PDCL2: variants seen among roughly 807,000 people sequenced by gnomAD.
PDCL2 encodes the protein phosducin-like protein 2.
In PDCL2, 23 loss-of-function variants were observed where a neutral mutation model predicts 30.3. The ratio of observed to expected loss-of-function variants is 0.76; its 90% CI spans 0.55 to 1.08. The LOEUF is 1.08. PDCL2 is among the 50% of genes least tolerant of loss of function. The probability of loss-of-function intolerance (pLI) is 0.00; values close to 1 mark genes in which losing one functional copy is unlikely to be tolerated. For synonymous variants in PDCL2, 68 were observed against 86.2 expected (o/e 0.79, Z 1.17); for missense variants, 243 against 282.3 (o/e 0.86, Z 1.00).
chr4:55,572,550 T>C (rs902924920), intron 3 of PDCL2, among the ~76,000 whole-genome samples: 4 of 152,202 alleles, frequency 2.6e-5, no homozygotes, highest in Non-Finnish European at 4.4e-5. Flanking sequence ...AATGGCTCCA[T>C]TGGATACTAT....
intron 4 of PDCL2, among the ~76,000 whole-genome samples, chr4:55,569,393 G>A (rs990271176): frequency 6.6e-5 from 10 of 152,040 alleles, no homozygotes; most frequent in African/African-American, 2.2e-4. Context: ...CTGTATGGTC[G>A]ATATTTAGAG....
chr4:55,563,735 T>C (rs1182144899), intron 4 of PDCL2, among the ~76,000 whole-genome samples: 4 of 152,196 alleles, frequency 2.6e-5, no homozygotes, highest in Non-Finnish European at 5.9e-5. Flanking sequence ...ATGGAGGCTC[T>C]GGCATGGCCA....
chr4:55,577,177 G>A (rs1732590716), intron 3 of PDCL2, among the ~76,000 whole-genome samples: 1 of 152,208 alleles, frequency 6.6e-6, no homozygotes, highest in Non-Finnish European at 1.5e-5. Context: ...TTACAGGCAT[G>A]GGCCACTGTG....
At chr4:55,572,020 G>A (rs112285059) in intron 3 of PDCL2, among the ~76,000 whole-genome samples, 5,157 of 152,154 alleles carry the variant, frequency 0.034, 105 homozygotes, top group Non-Finnish European at 0.054. Flanking sequence ...ATGACACCAT[G>A]CTCTAATGGT....
chr4:55,577,994 G>T (rs1411707197), intron 3 of PDCL2, among the ~76,000 whole-genome samples: 1 of 152,028 alleles, frequency 6.6e-6, no homozygotes, highest in Non-Finnish European at 1.5e-5. Context: ...TTTTGTTTTT[G>T]TTTTAATTGT....
At chr4:55,579,311 T>A (rs1044592780) in intron 3 of PDCL2, among the ~76,000 whole-genome samples, 2 of 152,018 alleles carry the variant, frequency 1.3e-5, no homozygotes, top group Non-Finnish European at 1.5e-5. Flanking sequence ...TAGAGAATAG[T>A]ATTTATTTGT....
chr4:55,592,105 T>G lies in PDCL2; in HGVS notation c.5A>C (p.Gln2Pro), dbSNP rs1285765402. M[Q>P]DPNEDTEWND... Reference sequence around the variant, plus strand: ...GGCTCGGCAGGTCCCGACCCTCACCTGCATGATGCGCTGCTCTGCCCCTCA... The same window carrying G: ...GGCTCGGCAGGTCCCGACCCTCACCGGCATGATGCGCTGCTCTGCCCCTCA... The change falls in exon 1 of 6, where the codon CAG (glutamine) becomes CCG (proline). Residue 2 changes from glutamine to proline, a missense_variant and splice_region_variant. Coordinates refer to ENST00000295645, the MANE Select transcript of PDCL2 (RefSeq NM_152401.3). 8 of 1,609,056 alleles carry G rather than the reference T, an allele frequency of 5.0e-6. No homozygotes were observed. The highest frequency in any genetic ancestry group is 6.8e-6 in the Non-Finnish European group (8 of 1,178,388).
chr4:55,570,061 G>C (rs1732380952), intron 3 of PDCL2, among the ~76,000 whole-genome samples, 200 bp from the exon 4 acceptor site: 1 of 152,142 alleles, frequency 6.6e-6, no homozygotes, highest in Admixed American at 6.5e-5. Context: ...TTATTGGAAA[G>C]TGTAAGAAGT....
chr4:55,577,326 T>C (rs1233069680), intron 3 of PDCL2, among the ~76,000 whole-genome samples: 6 of 152,162 alleles, frequency 3.9e-5, no homozygotes, highest in Admixed American at 2.0e-4. Flanking sequence ...ACATATGAAT[T>C]TGGGGGGGAC....
At chr4:55,565,625 A>G (rs1484230156) in intron 4 of PDCL2, among the ~76,000 whole-genome samples, 5 of 152,174 alleles carry the variant, frequency 3.3e-5, no homozygotes, top group Non-Finnish European at 5.9e-5. Context: ...TGGGAAATAC[A>G]GTTCAAGATG....
At chr4:55,568,390 AGTGCAGGG>A (rs1732325923) in intron 4 of PDCL2, among the ~76,000 whole-genome samples, 1 of 152,172 alleles carries the variant, frequency 6.6e-6, no homozygotes, top group South Asian at 2.1e-4. Flanking sequence ...GGAATGGGGG[AGTGCAGGG>A]GTGCAGGGAA....
chr4:55,569,040 T>C (rs1309822158), intron 4 of PDCL2, among the ~76,000 whole-genome samples: 1 of 151,706 alleles, frequency 6.6e-6, no homozygotes, highest in East Asian at 1.9e-4. Flanking sequence ...TAAGAATCTA[T>C]ATAAGCCCAA....
chr4:55,580,425 T>C (rs1732679779), intron 3 of PDCL2, among the ~76,000 whole-genome samples: 2 of 152,274 alleles, frequency 1.3e-5, no homozygotes, highest in Admixed American at 6.5e-5. Context: ...AGTTGGGAAA[T>C]TTATGAACCT....
At chr4:55,566,693 G>T (rs1732278844) in intron 4 of PDCL2, among the ~76,000 whole-genome samples, 1 of 151,982 alleles carries the variant, frequency 6.6e-6, no homozygotes, top group African/African-American at 2.4e-5. Flanking sequence ...CTCCCAAAGT[G>T]CTGGGATTAC....
At chr4:55,566,032 G>T (rs28673496) in intron 4 of PDCL2, among the ~76,000 whole-genome samples, 2,064 of 128,714 alleles carry the variant, frequency 0.016, 54 homozygotes, top group African/African-American at 0.059. Context: ...CCAGGCTAGA[G>T]TACAGTGATG....
chr4:55,580,996 A>G, intron 2 of PDCL2, 85 bp from the exon 3 acceptor site: 1 of 935,198 alleles, frequency 1.1e-6, no homozygotes, highest in Non-Finnish European at 1.6e-6. Context: ...ACCGTCTTAT[A>G]CAAAGGAGAT....
In PDCL2 at chr4:55,569,736, A is replaced by C. The variant is rs1732371075; in HGVS notation, c.344T>G (p.Ile115Ser). ...TNAEEDVWVI[I>S]HLYRSSIPMC... ...TAATTACCTTGATCTGTATAGATGA[A>C]TTATAACCCACACATCTTCTTCTGC... Residue 115 changes from isoleucine to serine, a missense_variant, in exon 4 of 6, where the codon ATT becomes AGT. Ile to Ser is a moderately radical substitution (Grantham distance 142). Transcript: ENST00000295645. The C allele has an allele frequency of 6.4e-7, 1 of 1,555,882 alleles. No homozygotes were observed. The highest frequency in any genetic ancestry group is 1.4e-5 in the African/African-American group (1 of 73,376).
At chr4:55,556,737 T>C in intron 5 of PDCL2, 26 bp from the exon 6 acceptor site, 3 of 1,475,900 alleles carry the variant, frequency 2.0e-6, no homozygotes, top group Non-Finnish European at 2.7e-6. Flanking sequence ...CATCATTCAG[T>C]TAAAAATCTT....
At chr4:55,588,733 A>C (rs1014517252) in intron 1 of PDCL2, among the ~76,000 whole-genome samples, 1 of 152,220 alleles carries the variant, frequency 6.6e-6, no homozygotes, top group African/African-American at 2.4e-5. Flanking sequence ...TTATTGAAAA[A>C]AAATTAACTG....
Sources: allele counts gnomAD v4.1 joint callset (sites outside exome capture counted in the v4.1 genomes callset), GRCh38; gene constraint gnomAD v4.1.1; transcripts MANE v1.5; gene names NCBI Gene and HGNC (gene_info 2026-07-23, HGNC 2026-07-21).